Variants in LPIN1 observed in about 807,000 individuals in gnomAD.
LPIN1 encodes lipin 1, also known as phosphatidate phosphatase LPIN1.
LPIN1 carries 71 observed loss-of-function variants against 107.5 expected under a neutral mutation model. That is an observed-to-expected ratio of 0.66 (90% confidence interval 0.55 to 0.80). The LOEUF is 0.80. Among genes scored for constraint, LPIN1 ranks in the 30% least tolerant of loss-of-function variants. The pLI is 0.00. For synonymous variants in LPIN1, 445 were observed against 452.6 expected (o/e 0.98, Z 0.21); for missense variants, 1,043 against 1,160.6 (o/e 0.90, Z 1.47).
At chr2:11,700,201 C>A (rs1275256986) in intron 1 of LPIN1, among the ~76,000 whole-genome samples, 1 of 151,698 alleles carries the variant, frequency 6.6e-6, no homozygotes, top group Non-Finnish European at 1.5e-5. Context: ...TGTTCATAGT[C>A]ACCTGCAATC....
rs777037876 is a variant in LPIN1 at position 11,802,950 on chromosome 2, G to T, written c.1930G>T (p.Ala644Ser). The change falls in exon 15 of 21, where the codon GCC becomes TCC. Residue 644 changes from alanine (A) to serine (S), a missense_variant. Coordinates refer to ENST00000674199, the MANE Select transcript of LPIN1 (RefSeq NM_001349206.2). ...SSSSDEERAAAKPSNAGHLPL... is the reference protein window; with the variant it reads ...SSSSDEERAASKPSNAGHLPL... Reference sequence around the variant, plus strand: ...CTCCAGTGATGAGGAGCGCGCAGCTGCCAAGCCATCAAACGCAGGCCACCT... The same window carrying T: ...CTCCAGTGATGAGGAGCGCGCAGCTTCCAAGCCATCAAACGCAGGCCACCT... 6.8e-6 allele frequency: 11 copies of T among 1,613,310 alleles called. 1 individual carries two copies. In the South Asian group the frequency reaches 1.1e-4, roughly 16 times the overall value.
chr2:11,728,440 T>TG (rs1185537461), intron 1 of LPIN1, among the ~76,000 whole-genome samples: 1 of 152,230 alleles, frequency 6.6e-6, no homozygotes, highest in Non-Finnish European at 1.5e-5. Context: ...TAGAATGCAC[T>TG]GGCATGATCT....
At position 11,810,885 on chromosome 2, in the gene LPIN1, T is replaced by G. The variant is rs902025756; in HGVS notation, c.2250-4203T>G. On this transcript the variant is annotated intron_variant, in intron 17 of 20. Coordinates refer to ENST00000674199, the MANE Select transcript of LPIN1 (RefSeq NM_001349206.2). ...TTTAAATCTCCCCGAGTCAGTGTCT[T>G]AAGAGGGATGCAGAGATTAGGCAGA... 7.2e-5 allele frequency among the ~76,000 whole-genome samples: 11 copies of G among 152,240 alleles called. No homozygotes were observed. In the South Asian group the frequency reaches 2.3e-3, roughly 32 times the overall value.
intron 1 of LPIN1, among the ~76,000 whole-genome samples, chr2:11,703,741 C>T (rs909655181): frequency 6.6e-6 from 1 of 152,204 alleles, no homozygotes; most frequent in African/African-American, 2.4e-5. Context: ...AGACCTGCCT[C>T]CCTTCCTCCT....
chr2:11,821,207 G>C (rs1255418309), intron 20 of LPIN1, among the ~76,000 whole-genome samples: 1 of 151,974 alleles, frequency 6.6e-6, no homozygotes, highest in Non-Finnish European at 1.5e-5. Flanking sequence ...GGTCTGGTCT[G>C]TGCAGACCTG....
chr2:11,792,353 C>T (rs774978757), intron 13 of LPIN1: 18 of 233,700 alleles, frequency 7.7e-5, no homozygotes, highest in Non-Finnish European at 1.4e-4. Context: ...CTTGTGGAGA[C>T]AATTTTTCTT....
At chr2:11,794,667 C>G (rs978235373) in intron 13 of LPIN1, among the ~76,000 whole-genome samples, 2 of 152,182 alleles carry the variant, frequency 1.3e-5, no homozygotes, top group Admixed American at 6.5e-5. Flanking sequence ...GTCGTTCACC[C>G]TCGGTCCCTT....
chr2:11,773,603 T>G lies in LPIN1; in HGVS notation c.597-17T>G, dbSNP rs1399053150. ...ATTAAGAATTCTTTGACTTTAATCT[T>G]TTTTTTTTTCCTCCAGAACTCTTCC... On this transcript the variant is annotated splice_polypyrimidine_tract_variant and intron_variant, in intron 4 of 20. Transcript: ENST00000674199. The G allele has an allele frequency of 6.4e-7, 1 of 1,569,592 alleles. No homozygotes were observed. Among genetic ancestry groups the G allele is most frequent in the South Asian group, 1.1e-5 (1 of 89,014 alleles).
Position 11,803,007 on chromosome 2 carries a change from A to G in LPIN1, c.1987A>G (p.Thr663Ala), listed in dbSNP as rs768927092. 1 of 1,612,136 alleles carries G rather than the reference A, an allele frequency of 6.2e-7. No homozygotes were observed. The highest frequency in any genetic ancestry group is 1.3e-5 in the African/African-American group (1 of 74,742). The change falls in exon 15 of 21, where the codon ACT (threonine) becomes GCT (alanine). Residue 663 changes from threonine to alanine, a missense_variant. By Grantham distance (58) the Thr-to-Ala change is moderately conservative. Transcript: ENST00000674199. The surrounding 1 kb of genome is among the most constrained non-coding windows in gnomAD (Gnocchi z 4.2). ...TCTGCCTAATGTCAGCTACAAGAAG[A>G]CTCTCCGGCTGACTTCCGAGCAGCT... The part of the protein sequence containing the change: ...PLLPNVSYKK[T>A]LRLTSEQLKS...
At chr2:11,800,494 G>C (rs981764727) in intron 14 of LPIN1, among the ~76,000 whole-genome samples, 13 of 151,986 alleles carry the variant, frequency 8.6e-5, no homozygotes, top group Non-Finnish European at 1.0e-4. Flanking sequence ...TGCTACCTTC[G>C]CCTCCCGGGT....
intron 1 of LPIN1, among the ~76,000 whole-genome samples, chr2:11,693,798 A>ATATAT (rs1662398254): frequency 5.9e-5 from 1 of 16,900 alleles, no homozygotes; most frequent in Non-Finnish European, 1.2e-4. Context: ...GTATATATAT[A>ATATAT]TATATATATA....
At chr2:11,683,436 C>T (rs939012832) in intron 1 of LPIN1, 1 of 152,412 alleles carries the variant, frequency 6.6e-6, no homozygotes, top group African/African-American at 2.4e-5. Context: ...AATGATGACT[C>T]CAGACATGGG....
intron 1 of LPIN1, among the ~76,000 whole-genome samples, chr2:11,753,368 C>T (rs951707951): frequency 1.6e-4 from 24 of 152,260 alleles, no homozygotes; most frequent in Middle Eastern, 3.4e-3. Context: ...GTATTTTGGA[C>T]GGGAATGTCT....
At chr2:11,806,682 A>G (rs368937745) in intron 17 of LPIN1, among the ~76,000 whole-genome samples, 13 of 152,332 alleles carry the variant, frequency 8.5e-5, no homozygotes, top group African/African-American at 2.9e-4. Flanking sequence ...TTATTAATAC[A>G]AAAGTTATGC....
At chr2:11,776,864 A>G (rs1323884388) in intron 6 of LPIN1, among the ~76,000 whole-genome samples, 1 of 152,228 alleles carries the variant, frequency 6.6e-6, no homozygotes, top group Non-Finnish European at 1.5e-5. Context: ...AAATGAAGCT[A>G]CGATTAATTT....
intron 1 of LPIN1, among the ~76,000 whole-genome samples, chr2:11,710,085 ACT>A (rs1663332941): frequency 6.6e-6 from 1 of 152,032 alleles, no homozygotes; most frequent in South Asian, 2.1e-4. Flanking sequence ...TTTCCATCTG[ACT>A]CTCATAGCAG....
intron 3 of LPIN1, among the ~76,000 whole-genome samples, chr2:11,770,359 G>A (rs188376534): frequency 1.6e-4 from 24 of 152,274 alleles, no homozygotes; most frequent in African/African-American, 4.8e-4. Flanking sequence ...TGGAGAGCCC[G>A]TGTCCTTCAG....
At chr2:11,747,673 A>G (rs1667169996) in intron 1 of LPIN1, among the ~76,000 whole-genome samples, 2 of 152,176 alleles carry the variant, frequency 1.3e-5, no homozygotes, top group South Asian at 4.1e-4. Flanking sequence ...GGGTCTTATT[A>G]ATGAAAGTAA....
At chr2:11,756,361 A>C (rs1030207685) in intron 1 of LPIN1, among the ~76,000 whole-genome samples, 2 of 152,172 alleles carry the variant, frequency 1.3e-5, no homozygotes, top group Non-Finnish European at 2.9e-5. Context: ...GCGTGGACTA[A>C]AATAATTCAA....
Sources: gnomAD v4.1 joint callset for allele counts (sites outside exome capture counted in the v4.1 genomes callset) on GRCh38, gnomAD v4.1.1 for gene constraint, Gnocchi (gnomAD v3.1) non-coding constraint, MANE v1.5 for transcripts, NCBI Gene and HGNC (gene_info 2026-07-23, HGNC 2026-07-21) for gene names.